Variants in LITAF observed in about 807,000 individuals in gnomAD.
LITAF encodes the protein lipopolysaccharide-induced tumor necrosis factor-alpha factor.
In LITAF, 9 loss-of-function variants were observed where a neutral mutation model predicts 14.5. The observed-to-expected ratio is 0.62, with a 90% CI of 0.37 to 1.08. LITAF has a LOEUF of 1.08. Among genes scored for constraint, LITAF ranks in the 50% least tolerant of loss-of-function variants. The pLI is 0.01. For missense variants in LITAF, 206 were observed against 213.4 expected (o/e 0.97, Z 0.22); for synonymous variants, 98 against 88.2 (o/e 1.11, Z -0.62).
intron 1 of LITAF, chr16:11,636,052 T>A (rs1487772669): frequency 1.3e-5 from 2 of 152,254 alleles, no homozygotes; most frequent in Non-Finnish European, 2.9e-5. Flanking sequence ...AGAACCGCCA[T>A]CTGTACTGGG....
At chr16:11,562,732 A>G (rs1285733771) in intron 1 of LITAF, among the ~76,000 whole-genome samples, 1 of 152,122 alleles carries the variant, frequency 6.6e-6, no homozygotes, top group African/African-American at 2.4e-5. Context: ...CCATGTCTCT[A>G]CAAATGGTAC....
chr16:11,587,421 A>G (rs1452892265), upstream of LITAF: 4 of 453,958 alleles, frequency 8.8e-6, no homozygotes, highest in Admixed American at 2.3e-5. Context: ...ACGCGTCCGG[A>G]CAGACCAAGA....
At chr16:11,555,092 G>T (rs1039431588) in intron 2 of LITAF, among the ~76,000 whole-genome samples, 22 of 152,020 alleles carry the variant, frequency 1.4e-4, no homozygotes, top group Non-Finnish European at 2.8e-4. Flanking sequence ...GAGTGCAGGG[G>T]TACAATCATA....
At chr16:11,630,339 A>G (rs2065110155) in intron 3 of LITAF, among the ~76,000 whole-genome samples, 1 of 152,216 alleles carries the variant, frequency 6.6e-6, no homozygotes, top group South Asian at 2.1e-4. Context: ...GGCCTTGGCC[A>G]CAGTGCTACT....
intron 1 of LITAF, among the ~76,000 whole-genome samples, chr16:11,584,817 T>C (rs939929218): frequency 2.0e-5 from 3 of 152,208 alleles, no homozygotes; most frequent in African/African-American, 7.2e-5. Flanking sequence ...GGTAGCGCTT[T>C]ATTTCTCAAC....
At position 11,634,493 on chromosome 16, in the gene LITAF, T is replaced by G. The variant is rs564735698; in HGVS notation, c.-20-856A>C. ...CCATTATTCCAGAGGCCACAAGATT[T>G]GCAACTTCCCCTATTGCCCCTGCAG... On this transcript the variant is annotated intron_variant, in intron 2 of 3. Coordinates refer to the LITAF transcript ENST00000574848. This position sits in a 1 kb window ranked among gnomAD's most constrained non-coding sequence, Gnocchi z 4.1. Among the ~76,000 whole-genome samples the G allele has an allele frequency of 6.6e-6, 1 of 152,292 alleles. No homozygotes were observed. The highest frequency in any genetic ancestry group is 2.1e-4 in the South Asian group (1 of 4,828).
chr16:11,552,070 T>C (rs2064190226), intron 3 of LITAF, among the ~76,000 whole-genome samples: 1 of 152,156 alleles, frequency 6.6e-6, no homozygotes, highest in South Asian at 2.1e-4. Flanking sequence ...CTAAACTCTC[T>C]GGGACTCTGA....
chr16:11,598,227 A>C lies in LITAF; in HGVS notation c.-6+161T>G, dbSNP rs2064903862. 5.3e-5 allele frequency among the ~76,000 whole-genome samples: 8 copies of C among 151,252 alleles called. 1 individual carries two copies. In the South Asian group the frequency reaches 1.7e-3, roughly 32 times the overall value. Reference sequence around the variant, plus strand: ...GCTCAGCACTCTTGGGTCTCCATGCAAGTTTCTCTCCTCTCTTGGGGCACC... The same window carrying C: ...GCTCAGCACTCTTGGGTCTCCATGCCAGTTTCTCTCCTCTCTTGGGGCACC... On this transcript the variant is annotated intron_variant, in intron 1 of 3. Transcript: ENST00000571627.
At chr16:11,618,214 C>T (rs1336010499) in intron 3 of LITAF, among the ~76,000 whole-genome samples, 1 of 152,138 alleles carries the variant, frequency 6.6e-6, no homozygotes, top group Non-Finnish European at 1.5e-5. Context: ...ATTTTTGTTT[C>T]TTCTCTCCAT....
chr16:11,610,062 G>C (rs1241333936), intron 3 of LITAF, among the ~76,000 whole-genome samples: 2 of 152,210 alleles, frequency 1.3e-5, no homozygotes, highest in Non-Finnish European at 2.9e-5. Context: ...AGTCCCCACT[G>C]CTCCTGATGG....
chr16:11,612,283 G>A (rs2141879763), intron 3 of LITAF, among the ~76,000 whole-genome samples: 1 of 152,296 alleles, frequency 6.6e-6, no homozygotes, highest in South Asian at 2.1e-4. Flanking sequence ...TCCCAGCCCA[G>A]GGACTCTGTG....
chr16:11,598,286 C>CA (rs1362355809), intron 1 of LITAF: 1 of 86,278 alleles, frequency 1.2e-5, no homozygotes, highest in African/African-American at 7.6e-5. Flanking sequence ...AGGGCCTGAG[C>CA]CTTTTTTTTT....
rs1567232699 is a variant in LITAF at position 11,549,064 on chromosome 16, A to AT, written c.*572dup. ...CCCCCTCCTTGTATTTAAAAAAAAA[A>AT]TTAAGAAATTAAAGTGAATCTGTGT... On this transcript the variant is annotated 3_prime_UTR_variant, in exon 4 of 4. Transcript: ENST00000622633. This position sits in a 1 kb window ranked among gnomAD's most constrained non-coding sequence, Gnocchi z 4.6. The AT allele has an allele frequency of 2.2e-6, 1 of 453,420 alleles. No individual in the cohort carries two copies. The allele number at this position is 453,420 out of a possible 1,614,324, so 28.1% of individuals were successfully genotyped here.
chr16:11,597,620 G>A (rs1291367787), intron 1 of LITAF, among the ~76,000 whole-genome samples: 1 of 152,228 alleles, frequency 6.6e-6, no homozygotes, highest in Non-Finnish European at 1.5e-5. Context: ...ATGCTGTGGA[G>A]AGCTTAGAGC....
chr16:11,580,054 G>A (rs1008640740), intron 1 of LITAF, among the ~76,000 whole-genome samples: 6 of 152,168 alleles, frequency 3.9e-5, no homozygotes, highest in Non-Finnish European at 8.8e-5. Flanking sequence ...ACACAGACAT[G>A]ATGCTCAAAG....
chr16:11,630,015 C>G (rs2065108382), intron 3 of LITAF, among the ~76,000 whole-genome samples: 1 of 152,190 alleles, frequency 6.6e-6, no homozygotes, highest in African/African-American at 2.4e-5. Context: ...CCTTCCTGGA[C>G]TCATTCCAGC....
chr16:11,595,967 C>T (rs1034421002), intron 1 of LITAF, among the ~76,000 whole-genome samples: 4 of 152,034 alleles, frequency 2.6e-5, no homozygotes, highest in African/African-American at 9.7e-5. Context: ...GTAGTGCTCC[C>T]CGTGAGATCT....
At chr16:11,611,643 T>C (rs1020257092) in intron 3 of LITAF, among the ~76,000 whole-genome samples, 1 of 151,672 alleles carries the variant, frequency 6.6e-6, no homozygotes, top group Non-Finnish European at 1.5e-5. Context: ...TTTTTTTTCT[T>C]TCTTTCTTTT....
chr16:11,552,990 C>A (rs1427909837), intron 3 of LITAF, among the ~76,000 whole-genome samples: 1 of 152,026 alleles, frequency 6.6e-6, no homozygotes, highest in Non-Finnish European at 1.5e-5. Context: ...CGGTGCACAC[C>A]TGTAATCCCA....
Sources: gnomAD v4.1 joint callset for allele counts (sites outside exome capture counted in the v4.1 genomes callset) on GRCh38, gnomAD v4.1.1 for gene constraint, Gnocchi (gnomAD v3.1) non-coding constraint, MANE v1.5 for transcripts, NCBI Gene and HGNC (gene_info 2026-07-23, HGNC 2026-07-21) for gene names.